RPH3AL: variants seen among roughly 807,000 people sequenced by gnomAD.
The protein encoded by RPH3AL is rab effector Noc2.
In RPH3AL, 38 loss-of-function variants were observed where a neutral mutation model predicts 43.1. The observed-to-expected ratio is 0.88, with a 90% CI of 0.68 to 1.15. The LOEUF (loss-of-function observed/expected upper bound fraction) is 1.15, where lower values mean the gene tolerates loss of function less well. Ranked by LOEUF, RPH3AL falls within the 50% of genes most tolerant of loss-of-function variation. RPH3AL has a pLI of 0.00. For missense variants in RPH3AL, 462 were observed against 423.2 expected, an observed-to-expected ratio of 1.09 and a Z score of -0.81; for synonymous variants, 189 against 176.3, an observed-to-expected ratio of 1.07 and a Z score of -0.57.
chr17:331,744 C>G, intron 2 of RPH3AL: 1 of 1,289,076 alleles, frequency 7.8e-7, no homozygotes, highest in South Asian at 1.2e-5. Context: ...CGCCACCACT[C>G]AGCACTCACC....
chr17:221,387 A>T (rs549997613), intron 7 of RPH3AL, among the ~76,000 whole-genome samples: 60 of 143,042 alleles, frequency 4.2e-4, no homozygotes, highest in African/African-American at 1.5e-3. Flanking sequence ...CTGAGACAAC[A>T]GACCCAAGAA....
chr17:245,215 C>G lies in RPH3AL; in HGVS notation c.613+1896G>C, dbSNP rs1462019584. ...TGTGTGTGGATGTGAGCGTGTGTGT[C>G]CATGTGGATGTGTGTGTGCGTGTGG... On this transcript the variant is annotated intron_variant, in intron 7 of 9. Coordinates refer to ENST00000331302, the MANE Select transcript of RPH3AL (RefSeq NM_006987.4). This position sits in a 1 kb window ranked among gnomAD's most constrained non-coding sequence, Gnocchi z 5.9. Among the ~76,000 whole-genome samples the G allele has an allele frequency of 1.0e-5, 1 of 99,344 alleles. No homozygotes were observed. 65.2% of individuals were successfully genotyped at this position (99,344 alleles called of 152,430 possible).
At chr17:336,241 T>C (rs1303976844) in intron 1 of RPH3AL, among the ~76,000 whole-genome samples, 4 of 152,076 alleles carry the variant, frequency 2.6e-5, no homozygotes, top group Admixed American at 2.0e-4. Flanking sequence ...GGCAGCAAGA[T>C]AAGGTGAGCC....
chr17:293,972 G>C (rs895684036), intron 5 of RPH3AL, among the ~76,000 whole-genome samples: 13 of 151,960 alleles, frequency 8.6e-5, no homozygotes, highest in African/African-American at 3.2e-4. Flanking sequence ...AAGTTGCAGT[G>C]AGCTGAGATT....
chr17:316,035 G>A (rs1309910306), intron 5 of RPH3AL, among the ~76,000 whole-genome samples: 5,269 of 80,568 alleles, frequency 0.065, no homozygotes, highest in Middle Eastern at 0.1. Context: ...CACCTCCATT[G>A]ACCTGTAGTC....
intron 1 of RPH3AL, among the ~76,000 whole-genome samples, chr17:344,504 C>T (rs1195073349): frequency 1.5e-5 from 2 of 132,990 alleles, no homozygotes; most frequent in African/African-American, 5.2e-5. Context: ...TCATCTGTGT[C>T]ACCACCACCA....
At chr17:259,970 C>T (rs1398277762) in intron 6 of RPH3AL, among the ~76,000 whole-genome samples, 3 of 152,294 alleles carry the variant, frequency 2.0e-5, no homozygotes, top group Admixed American at 2.0e-4. Context: ...GGGAGTCTCA[C>T]AGACCTGCCA....
At chr17:337,489 A>G (rs892543733) in intron 1 of RPH3AL, among the ~76,000 whole-genome samples, 5 of 152,148 alleles carry the variant, frequency 3.3e-5, no homozygotes, top group African/African-American at 1.2e-4. Context: ...CCTCTGCCAC[A>G]CACGGGCTCT....
At position 286,601 on chromosome 17, in the gene RPH3AL, G is replaced by A. The variant is rs185983706; in HGVS notation, c.352-4747C>T. The stretch of plus-strand genomic sequence containing the variant: ...GTTCCCAGGTTCCAATAAAGAAAAC[G>A]AAACAGGTGGTATTTTTGAAAACCC... On this transcript the variant is annotated intron_variant, in intron 5 of 9. Coordinates refer to ENST00000331302, the MANE Select transcript of RPH3AL (RefSeq NM_006987.4). 2.8e-3 allele frequency among the ~76,000 whole-genome samples: 434 copies of A among 152,340 alleles called. 1 individual carries two copies. The highest frequency in any genetic ancestry group is 9.8e-3 in the African/African-American group (406 of 41,578).
chr17:253,774 GCCGCACGGCGTCTGTCCTTTTCCATCC>G (rs2041988728), intron 6 of RPH3AL, among the ~76,000 whole-genome samples: 2 of 112,628 alleles, frequency 1.8e-5, no homozygotes, highest in African/African-American at 3.2e-5. Context: ...TATGAGGGGA[GCCGCACGGCGTCTGTCCTTTTCCATCC>G]CTAGGAACGT....
rs773091830 is a variant in RPH3AL, at chr17:219,772, G to A, written c.614-36C>T. On this transcript the variant is annotated intron_variant, in intron 7 of 9. Transcript: ENST00000331302. ...CAGACCACAGCACAGGAGGTCACCC[G>A]ACCAGCCCCTACCTGCAGGCATGGA... The A allele has an allele frequency of 2.0e-5, 30 of 1,507,492 alleles. No individual in the cohort carries two copies. In the African/African-American group the frequency reaches 2.1e-4, roughly 10 times the overall value. 93.4% of individuals were successfully genotyped at this position (1,507,492 alleles called of 1,614,324 possible).
chr17:235,871 GC>G (rs2041375311), intron 7 of RPH3AL, among the ~76,000 whole-genome samples: 2 of 145,202 alleles, frequency 1.4e-5, no homozygotes, highest in African/African-American at 5.0e-5. Flanking sequence ...GCTGGGGTCG[GC>G]CGAGGCTCTG....
rs907602893 is a variant in RPH3AL, at chr17:314,109, C to G, written c.351+5311G>C. 3.9e-4 allele frequency among the ~76,000 whole-genome samples: 59 copies of G among 152,324 alleles called. 2 individuals carry two copies. The highest frequency in any genetic ancestry group is 7.4e-4 in the Non-Finnish European group (50 of 68,014). On this transcript the variant is annotated intron_variant, in intron 5 of 9. Coordinates refer to ENST00000331302, the MANE Select transcript of RPH3AL (RefSeq NM_006987.4). ...ACAGCCACTGTTGCCTAAGACATGG[C>G]TCCAAGGAGCACCTGTACTAACCGT...
intron 6 of RPH3AL, among the ~76,000 whole-genome samples, chr17:253,493 A>C (rs4458053): frequency 1.0e-3 from 157 of 152,164 alleles, no homozygotes; most frequent in African/African-American, 3.7e-3. Flanking sequence ...GGGTATGCGC[A>C]ATCCTTTTTT....
rs866791383 is a variant in RPH3AL at position 247,171 on chromosome 17, C to T, written c.553G>A (p.Ala185Thr). 6.2e-7 allele frequency: 1 copy of T among 1,614,102 alleles called. No homozygotes were observed. The highest frequency in any genetic ancestry group is 1.1e-5 in the South Asian group (1 of 91,086). The change falls in exon 7 of 10, where the codon GCA becomes ACA. Residue 185 changes from alanine (A) to threonine (T), a missense_variant. Physicochemically the swap from Ala to Thr is moderately conservative, Grantham distance 58. Transcript: ENST00000331302. ...PHFRPLPTEP[A>T]EREPRSSETS... The stretch of plus-strand genomic sequence containing the variant: ...TCAGAGCTTCTGGGCTCTCGCTCTG[C>T]CGGTTCCGTGGGCAAAGGTCGGAAG...
Position 307,663 on chromosome 17 carries a change from C to A in RPH3AL, c.351+11757G>T, listed in dbSNP as rs2043536298. On this transcript the variant is annotated intron_variant, in intron 5 of 9. Transcript: ENST00000331302. ...CCGTCCAGAAAGCTCTGGGCCTTGC[C>A]AGGGATCCGTGTGGTTCCCCAAGCC... Among the ~76,000 whole-genome samples, 4 of 152,312 alleles carry A rather than the reference C, an allele frequency of 2.6e-5. No individual in the cohort carries two copies. In the South Asian group the frequency reaches 8.3e-4, roughly 32 times the overall value.
Position 219,745 on chromosome 17 carries a change from G to T in RPH3AL, c.614-9C>A. On this transcript the variant is annotated splice_polypyrimidine_tract_variant and intron_variant, in intron 7 of 9. Transcript: ENST00000331302. The stretch of plus-strand genomic sequence containing the variant: ...ACTGTCACTGGAAACCACTGGAAGA[G>T]ACAGACCACAGCACAGGAGGTCACC... The T allele has an allele frequency of 1.2e-6, 2 of 1,605,972 alleles. No homozygotes were observed. The highest frequency in any genetic ancestry group is 1.7e-6 in the Non-Finnish European group (2 of 1,172,914).
chr17:304,150 C>T (rs1273629589), intron 5 of RPH3AL, among the ~76,000 whole-genome samples: 4 of 91,002 alleles, frequency 4.4e-5, no homozygotes, highest in Admixed American at 1.3e-4. Flanking sequence ...GTGACCGTGT[C>T]TCAGGAAAGA....
intron 5 of RPH3AL, among the ~76,000 whole-genome samples, chr17:317,264 G>T (rs1476126998): frequency 1.5e-5 from 2 of 134,296 alleles, no homozygotes; most frequent in Non-Finnish European, 1.6e-5. Context: ...CAGTCCCTGT[G>T]CCCCACCTCC....
Sources: gnomAD v4.1 joint callset for allele counts (sites outside exome capture counted in the v4.1 genomes callset) on GRCh38, gnomAD v4.1.1 for gene constraint, Gnocchi (gnomAD v3.1) non-coding constraint, MANE v1.5 for transcripts, NCBI Gene and HGNC (gene_info 2026-07-23, HGNC 2026-07-21) for gene names.